The following CTNNA2 variants were observed in gnomAD, a reference collection of about 807,000 sequenced individuals.
CTNNA2 encodes the protein catenin alpha-2.
Under a neutral mutation model 101.0 loss-of-function variants are expected in CTNNA2, and 42 were observed. The ratio of observed to expected loss-of-function variants is 0.42; its 90% CI spans 0.32 to 0.54. CTNNA2 has a LOEUF of 0.54. CTNNA2 is among the 20% of genes least tolerant of loss of function. The pLI is 0.14. For missense variants in CTNNA2, 871 were observed against 1,223.1 expected (o/e 0.71, Z 4.29); for synonymous variants, 450 against 456.4 (o/e 0.99, Z 0.18).
intron 7 of CTNNA2, among the ~76,000 whole-genome samples, chr2:79,993,470 G>A (rs933933662): frequency 2.0e-5 from 3 of 152,036 alleles, no homozygotes; most frequent in African/African-American, 2.4e-5. Context: ...TGTTGCCCTC[G>A]GGCATCTTAA....
intron 2 of CTNNA2, among the ~76,000 whole-genome samples, chr2:79,238,875 C>T (rs1572993895): frequency 6.6e-6 from 1 of 152,180 alleles, no homozygotes; most frequent in East Asian, 1.9e-4. Context: ...ACTATGTACA[C>T]TGCTAATGGT....
At chr2:79,686,116 C>T (rs926334529) in intron 2 of CTNNA2, among the ~76,000 whole-genome samples, 4 of 151,934 alleles carry the variant, frequency 2.6e-5, no homozygotes, top group Non-Finnish European at 4.4e-5. Context: ...GATTAAGAAA[C>T]GTAAAAAAAT....
intron 2 of CTNNA2, among the ~76,000 whole-genome samples, chr2:79,300,045 C>A (rs1016415971): frequency 6.6e-6 from 1 of 152,174 alleles, no homozygotes; most frequent in Admixed American, 6.5e-5. Flanking sequence ...ATTGATGAAC[C>A]AATATTGATA....
intron 2 of CTNNA2, among the ~76,000 whole-genome samples, chr2:79,207,858 G>T (rs1432080009): frequency 6.6e-6 from 1 of 152,178 alleles, no homozygotes; most frequent in Admixed American, 6.5e-5. Flanking sequence ...GGACACCAAA[G>T]AACTGCCTTG....
intron 7 of CTNNA2, among the ~76,000 whole-genome samples, chr2:79,972,518 T>A (rs964736764): frequency 6.6e-6 from 1 of 152,170 alleles, no homozygotes; most frequent in Non-Finnish European, 1.5e-5. Flanking sequence ...ACTGGCATGA[T>A]CTTCACAAGA....
intron 2 of CTNNA2, among the ~76,000 whole-genome samples, chr2:79,237,150 C>T (rs1374117572): frequency 6.6e-6 from 1 of 152,194 alleles, no homozygotes; most frequent in Non-Finnish European, 1.5e-5. Flanking sequence ...TCAAAATTAA[C>T]TCTTGATCCA....
intron 7 of CTNNA2, among the ~76,000 whole-genome samples, chr2:80,065,249 A>AG (rs1196073639): frequency 6.6e-6 from 1 of 152,078 alleles, no homozygotes; most frequent in Non-Finnish European, 1.5e-5. Flanking sequence ...AGATTAAGTA[A>AG]GGGGGACAGA....
At chr2:80,323,423 G>C (rs887495533) in intron 7 of CTNNA2, among the ~76,000 whole-genome samples, 1 of 151,720 alleles carries the variant, frequency 6.6e-6, no homozygotes, top group African/African-American at 2.4e-5. Flanking sequence ...CTTGCCTGCT[G>C]TCTCACAAAT....
intron 7 of CTNNA2, among the ~76,000 whole-genome samples, chr2:80,383,370 A>T (rs1206500676): frequency 6.6e-6 from 1 of 152,136 alleles, no homozygotes; most frequent in Admixed American, 6.5e-5. Context: ...TCTATCAATA[A>T]ACAAGCATTT....
At chr2:79,649,781 T>G (rs1681089661) in intron 1 of CTNNA2, among the ~76,000 whole-genome samples, 1 of 152,162 alleles carries the variant, frequency 6.6e-6, no homozygotes, top group African/African-American at 2.4e-5. Context: ...AAACATGGCA[T>G]TTGGAGAGAG....
chr2:79,330,498 C>T (rs546834755), intron 3 of CTNNA2, among the ~76,000 whole-genome samples: 10 of 152,238 alleles, frequency 6.6e-5, no homozygotes, highest in South Asian at 6.2e-4. Flanking sequence ...CTTGAAGCAA[C>T]GCATCTCACC....
chr2:80,437,995 G>A (rs905213636), intron 9 of CTNNA2, among the ~76,000 whole-genome samples: 3 of 150,536 alleles, frequency 2.0e-5, no homozygotes, highest in Admixed American at 2.0e-4. Context: ...GGCAACAAGA[G>A]CAAAACTCTG....
At chr2:80,375,435 C>A (rs888368788) in intron 7 of CTNNA2, among the ~76,000 whole-genome samples, 1 of 152,138 alleles carries the variant, frequency 6.6e-6, no homozygotes, top group Non-Finnish European at 1.5e-5. Flanking sequence ...AGCTTGGCAC[C>A]AGTCTGGCTT....
chr2:79,704,970 C>G (rs928839152), intron 2 of CTNNA2, among the ~76,000 whole-genome samples: 4 of 152,172 alleles, frequency 2.6e-5, no homozygotes, highest in African/African-American at 9.7e-5. Flanking sequence ...ACCAGTGCTT[C>G]TCAACCTGGG....
chr2:80,425,588 T>G (rs1242145642), intron 9 of CTNNA2, among the ~76,000 whole-genome samples: 7 of 152,252 alleles, frequency 4.6e-5, no homozygotes, highest in African/African-American at 1.7e-4. Flanking sequence ...ATTAATCACA[T>G]AAGAATCATT....
chr2:80,485,405 T>C (rs1177512218), intron 9 of CTNNA2, among the ~76,000 whole-genome samples: 1 of 152,208 alleles, frequency 6.6e-6, no homozygotes, highest in East Asian at 1.9e-4. Flanking sequence ...TCATTTGCAT[T>C]CCTAACAATT....
At chr2:80,119,925 A>G (rs150297472) in intron 7 of CTNNA2, among the ~76,000 whole-genome samples, 2 of 152,338 alleles carry the variant, frequency 1.3e-5, no homozygotes, top group Admixed American at 1.3e-4. Flanking sequence ...TTAATGTGCT[A>G]TAAGGAAATT....
intron 1 of CTNNA2, among the ~76,000 whole-genome samples, chr2:79,563,928 C>T (rs1228459650): frequency 1.3e-5 from 2 of 152,116 alleles, no homozygotes; most frequent in Non-Finnish European, 2.9e-5. Flanking sequence ...TGGCATAGGG[C>T]CTGGTCATTG....
chr2:79,540,673 A>G (rs1454742711), intron 1 of CTNNA2, among the ~76,000 whole-genome samples: 2 of 152,242 alleles, frequency 1.3e-5, no homozygotes, highest in Non-Finnish European at 2.9e-5. Context: ...TGTATTTATA[A>G]TGAGCACATG....
Sources: allele counts gnomAD v4.1 joint callset (sites outside exome capture counted in the v4.1 genomes callset), GRCh38; gene constraint gnomAD v4.1.1; transcripts MANE v1.5; gene names NCBI Gene and HGNC (gene_info 2026-07-23, HGNC 2026-07-21).